ITGA11: variants seen among roughly 807,000 people sequenced by gnomAD.
ITGA11 encodes the protein integrin subunit alpha 11, also known as integrin alpha-11.
Under a neutral mutation model 141.9 loss-of-function variants are expected in ITGA11, and 97 were observed. The ratio of observed to expected loss-of-function variants is 0.68; its 90% CI spans 0.58 to 0.81. The LOEUF is 0.81. Ranked by LOEUF, ITGA11 falls within the 30% of genes least tolerant of loss-of-function variation. The probability of loss-of-function intolerance (pLI) is 0.00; values close to 1 mark genes in which losing one functional copy is unlikely to be tolerated. For synonymous variants in ITGA11, 658 were observed against 624.6 expected, an observed-to-expected ratio of 1.05 and a Z score of -0.80; for missense variants, 1,387 against 1,559.2, an observed-to-expected ratio of 0.89 and a Z score of 1.86.
At position 68,304,622 on chromosome 15, in the gene ITGA11, C is replaced by T. The variant is rs970524339; in HGVS notation, c.3382-737G>A. ...ATTTCTGTCGTCCGCCTGGATTCTC[C>T]GCTGAATTCCAGGCTCACACCGACT... is the stretch of plus-strand genomic sequence containing the variant. On this transcript the variant is annotated intron_variant, in intron 28 of 29. Transcript: ENST00000315757. The surrounding 1 kb of genome is among the most constrained non-coding windows in gnomAD (Gnocchi z 6.1). Among the ~76,000 whole-genome samples, 4 of 152,194 alleles carry T rather than the reference C, an allele frequency of 2.6e-5. No individual in the cohort carries two copies. Among genetic ancestry groups the T allele is most frequent in the African/African-American group, 7.2e-5 (3 of 41,442 alleles).
intron 7 of ITGA11, among the ~76,000 whole-genome samples, chr15:68,354,348 G>T (rs2140337248): frequency 6.6e-6 from 1 of 152,142 alleles, no homozygotes; most frequent in African/African-American, 2.4e-5. Flanking sequence ...ATTGTTCAGG[G>T]GCCCTCTCCA....
Position 68,324,992 on chromosome 15 carries a change from T to G in ITGA11, c.2322+139A>C. ...GCAGGAAGGAGCCACACTGTGGGTT[T>G]GCCAGGACAGGAGGTGGGAAGGTGA... On this transcript the variant is annotated intron_variant, in intron 18 of 29. Transcript: ENST00000315757. This position sits in a 1 kb window ranked among gnomAD's most constrained non-coding sequence, Gnocchi z 6.3. The G allele has an allele frequency of 1.5e-6, 1 of 678,478 alleles. No homozygotes were observed. Among genetic ancestry groups the G allele is most frequent in the Non-Finnish European group, 2.7e-6 (1 of 375,856 alleles). The allele number at this position is 678,478 out of a possible 1,614,324, so 42.0% of individuals were successfully genotyped here. A position where few individuals can be genotyped will look rare whatever the true frequency, so the allele number is the denominator to read the frequency against.
chr15:68,354,705 C>CGAGA, intron 7 of ITGA11, among the ~76,000 whole-genome samples: 1 of 152,268 alleles, frequency 6.6e-6, no homozygotes, highest in African/African-American at 2.4e-5. Context: ...TCTCCTTGGC[C>CGAGA]ACTCCATGGG....
Position 68,298,773 on chromosome 15 carries a change from C to T in ITGA11, c.*4286G>A, listed in dbSNP as rs1445167486. 6.6e-6 allele frequency: 1 copy of T among 152,180 alleles called. No homozygotes were observed. Among genetic ancestry groups the T allele is most frequent in the Non-Finnish European group, 1.5e-5 (1 of 68,040 alleles). The allele number at this position is 152,180 out of a possible 1,614,324, so 9.4% of individuals were successfully genotyped here. ...TCTGACTTGGGCCACCTTCTGAAAACATTTCAGACACATCACTAAGTTGTT... is the reference window on the plus strand; with the variant it reads ...TCTGACTTGGGCCACCTTCTGAAAATATTTCAGACACATCACTAAGTTGTT... On this transcript the variant is annotated 3_prime_UTR_variant, in exon 30 of 30. Coordinates refer to ENST00000315757, the MANE Select transcript of ITGA11 (RefSeq NM_001004439.2).
chr15:68,330,055 C>T (rs1894105201), intron 15 of ITGA11, among the ~76,000 whole-genome samples: 1 of 152,242 alleles, frequency 6.6e-6, no homozygotes, highest in Non-Finnish European at 1.5e-5. Flanking sequence ...GTGGTGAGGA[C>T]AGGCTGGCTC....
intron 3 of ITGA11, among the ~76,000 whole-genome samples, chr15:68,367,876 G>C (rs1447444522): frequency 1.3e-5 from 2 of 152,206 alleles, no homozygotes; most frequent in Non-Finnish European, 2.9e-5. Flanking sequence ...GGGACTCCAG[G>C]TTGGCCAGTT....
At chr15:68,411,342 A>T (rs543020814) in intron 1 of ITGA11, among the ~76,000 whole-genome samples, 3 of 152,322 alleles carry the variant, frequency 2.0e-5, no homozygotes, top group Admixed American at 6.5e-5. Flanking sequence ...ACCCAGGCTT[A>T]TCCCCCTCCC....
chr15:68,338,733 T>C (rs1463911517), intron 11 of ITGA11, among the ~76,000 whole-genome samples: 2 of 152,232 alleles, frequency 1.3e-5, no homozygotes, highest in African/African-American at 4.8e-5. Context: ...CGCTGTCCAC[T>C]CTGGGTGGCC....
Position 68,302,115 on chromosome 15 carries a change from T to TGTGTGTGTGTGTGTGTGTGG in ITGA11, c.*943_*944insCCACACACACACACACACAC, listed in dbSNP as rs1555444826. 1.5e-5 allele frequency: 2 copies of TGTGTGTGTGTGTGTGTGTGG among 133,168 alleles called. No individual in the cohort carries two copies. The highest frequency in any genetic ancestry group is 2.8e-5 in the African/African-American group (1 of 35,548). 8.2% of individuals were successfully genotyped at this position (133,168 alleles called of 1,614,324 possible). On this transcript the variant is annotated 3_prime_UTR_variant, in exon 30 of 30. Coordinates refer to ENST00000315757, the MANE Select transcript of ITGA11 (RefSeq NM_001004439.2). ...GTGTGTGTGTGTGTGTGTGTGTGTG[T>TGTGTGTGTGTGTGTGTGTGG]AGGGAGGGGGTGATACAGGGAGGGG...
chr15:68,364,598 G>A, intron 4 of ITGA11, 109 bp downstream of exon 4: 1 of 856,058 alleles, frequency 1.2e-6, no homozygotes, highest in Non-Finnish European at 1.9e-6. Flanking sequence ...TTGGAGTGGG[G>A]GAGAGTGGGT....
chr15:68,402,585 C>A (rs1221246979), intron 2 of ITGA11, among the ~76,000 whole-genome samples: 1 of 152,006 alleles, frequency 6.6e-6, no homozygotes, highest in Non-Finnish European at 1.5e-5. Flanking sequence ...TCAGAGACAC[C>A]CCCAGCAGCT....
chr15:68,424,970 A>C (rs1352147415), intron 1 of ITGA11, among the ~76,000 whole-genome samples: 1 of 152,188 alleles, frequency 6.6e-6, no homozygotes, highest in Non-Finnish European at 1.5e-5. Context: ...TGTGTACATC[A>C]GTGTTTGGAA....
intron 12 of ITGA11, among the ~76,000 whole-genome samples, chr15:68,334,542 G>A (rs1238177922): frequency 6.6e-6 from 1 of 151,034 alleles, no homozygotes; most frequent in Non-Finnish European, 1.5e-5. Flanking sequence ...TGAGGAGAAG[G>A]ATAAAAAATT....
Position 68,335,539 on chromosome 15 carries a change from G to A in ITGA11, c.1425+158C>T, listed in dbSNP as rs564085808. Among the ~76,000 whole-genome samples the A allele has an allele frequency of 1.3e-5, 2 of 152,312 alleles. No homozygotes were observed. Among genetic ancestry groups the A allele is most frequent in the Middle Eastern group, 3.4e-3 (1 of 294 alleles). ...CATGGGGCCTTCTGTAGGTGGATGCGCACTCCTGCCACTCCTGGCAGCATG... is the reference window on the plus strand; with the variant it reads ...CATGGGGCCTTCTGTAGGTGGATGCACACTCCTGCCACTCCTGGCAGCATG... On this transcript the variant is annotated intron_variant, in intron 12 of 29. Coordinates refer to ENST00000315757, the MANE Select transcript of ITGA11 (RefSeq NM_001004439.2). The surrounding 1 kb of genome is among the most constrained non-coding windows in gnomAD (Gnocchi z 4.9).
intron 23 of ITGA11, 78 bp from the exon 24 acceptor site, chr15:68,312,941 G>C (rs1893442448): frequency 9.6e-7 from 1 of 1,046,392 alleles, no homozygotes; most frequent in Admixed American, 1.8e-5. Flanking sequence ...AGAGGGAGAG[G>C]GCATGTGCCG....
chr15:68,389,511 T>C (rs953619216), intron 2 of ITGA11, among the ~76,000 whole-genome samples: 1 of 152,242 alleles, frequency 6.6e-6, no homozygotes, highest in African/African-American at 2.4e-5. Context: ...TAGAGAGATC[T>C]GGGCTCCAGT....
chr15:68,344,452 C>T (rs943680222), intron 10 of ITGA11, among the ~76,000 whole-genome samples: 5 of 152,240 alleles, frequency 3.3e-5, no homozygotes, highest in Admixed American at 6.5e-5. Flanking sequence ...AGAACCTTAG[C>T]GAATAGCCAA....
At chr15:68,418,155 T>A (rs1209053286) in intron 1 of ITGA11, among the ~76,000 whole-genome samples, 3 of 152,212 alleles carry the variant, frequency 2.0e-5, no homozygotes, top group South Asian at 2.1e-4. Flanking sequence ...ATTCTTTCTA[T>A]CCCATCCCAA....
At position 68,335,725 on chromosome 15, in the gene ITGA11, G is replaced by A. The variant is rs760975171; in HGVS notation, c.1397C>T (p.Thr466Ile). ...CTGGCCCCGCATAGCCTGGTGGATGGTGAGGCTCCGGTTGTTGTGCATGGT... is the reference window on the plus strand; with the variant it reads ...CTGGCCCCGCATAGCCTGGTGGATGATGAGGCTCCGGTTGTTGTGCATGGT... ...LFTMHNNRSL[T>I]IHQAMRGQQI... The change falls in exon 12 of 30, where the codon ACC becomes ATC. Residue 466 changes from threonine to isoleucine, a missense_variant. By Grantham distance (89) the Thr-to-Ile change is moderately conservative. Coordinates refer to ENST00000315757, the MANE Select transcript of ITGA11 (RefSeq NM_001004439.2). This position sits in a 1 kb window ranked among gnomAD's most constrained non-coding sequence, Gnocchi z 4.9. The A allele has an allele frequency of 2.5e-6, 4 of 1,613,742 alleles. No individual in the cohort carries two copies. Among genetic ancestry groups the A allele is most frequent in the Non-Finnish European group, 3.4e-6 (4 of 1,179,846 alleles).
Sources: allele counts gnomAD v4.1 joint callset (sites outside exome capture counted in the v4.1 genomes callset), GRCh38; gene constraint gnomAD v4.1.1; non-coding constraint Gnocchi (gnomAD v3.1); transcripts MANE v1.5; gene names NCBI Gene and HGNC (gene_info 2026-07-23, HGNC 2026-07-21).